Variants in SLC6A12 observed in about 807,000 individuals in gnomAD.
The protein encoded by SLC6A12 is sodium- and chloride-dependent betaine transporter.
A neutral mutation model predicts 73.3 loss-of-function variants in SLC6A12; 50 were observed. The observed-to-expected ratio is 0.68, with a 90% CI of 0.54 to 0.86. The LOEUF (loss-of-function observed/expected upper bound fraction) is 0.86. Ranked by LOEUF, SLC6A12 falls within the 40% of genes least tolerant of loss-of-function variation. The pLI, the probability that SLC6A12 is intolerant of heterozygous loss-of-function variation, is 0.00. For synonymous variants in SLC6A12, 304 were observed against 309.2 expected (o/e 0.98, Z 0.18); for missense variants, 648 against 772.8 (o/e 0.84, Z 1.92).
chr12:184,877 G>A, the SLC6A12 span, among the ~76,000 whole-genome samples: 1 of 151,748 alleles, frequency 6.6e-6, no homozygotes, highest in Non-Finnish European at 1.5e-5. Flanking sequence ...AGGTTGTAGT[G>A]AGCTGAGATC....
At chr12:210,874 A>T (rs563468053) in intron 2 of SLC6A12, among the ~76,000 whole-genome samples, 1 of 152,164 alleles carries the variant, frequency 6.6e-6, no homozygotes, top group Admixed American at 6.5e-5. Flanking sequence ...CTGCCCTCCT[A>T]GAGAGCCCAA....
chr12:185,803 G>C (rs910830791), downstream of SLC6A12, among the ~76,000 whole-genome samples: 3 of 152,190 alleles, frequency 2.0e-5, no homozygotes, highest in African/African-American at 7.2e-5. Context: ...CAGGGCCCAG[G>C]GCACTGACCC....
chr12:195,204 A>T, intron 13 of SLC6A12, 21 bp downstream of exon 13: 1 of 1,130,964 alleles, frequency 8.8e-7, no homozygotes, highest in Non-Finnish European at 1.3e-6. Context: ...CTGCTTTCCC[A>T]CCCCACTCCA....
In SLC6A12 at chr12:196,275, G is replaced by A. The variant is rs747307978; in HGVS notation, c.1189-14C>T. ...CACACAGACAAACTGTGGGCCAGGA[G>A]GGGAACTGGATGAGAGGGTGTGGGG... On this transcript the variant is annotated splice_polypyrimidine_tract_variant and intron_variant, in intron 11 of 15. Transcript: ENST00000684302. 3 of 1,606,478 alleles carry A rather than the reference G, an allele frequency of 1.9e-6. No individual in the cohort carries two copies. Among genetic ancestry groups the A allele is most frequent in the Non-Finnish European group, 1.7e-6 (2 of 1,177,556 alleles).
chr12:187,629 AAAC>A (rs1939459863), downstream of SLC6A12, among the ~76,000 whole-genome samples: 23 of 45,366 alleles, frequency 5.1e-4, 1 homozygote, highest in African/African-American at 1.5e-3. Context: ...AAAAAAAAAA[AAAC>A]AAACCACACA....
chr12:187,605 A>ACCCACAC (rs1939456527), downstream of SLC6A12, among the ~76,000 whole-genome samples: 1 of 15,858 alleles, frequency 6.3e-5, no homozygotes, highest in Non-Finnish European at 3.2e-4. Flanking sequence ...AAAAAAAAAA[A>ACCCACAC]AAAAAAAAAA....
chr12:196,151 GT>G lies in SLC6A12; in HGVS notation c.1298del (p.Tyr433SerfsTer2), dbSNP rs1565467799. On this transcript the variant is annotated frameshift_variant, in exon 12 of 16. Transcript: ENST00000684302. LOFTEE classifies it high-confidence loss of function. ...LLILTIAVMC[Y>X]LIGLFLVTEG... ...CGGTGACCAGGAAAAGCCCTATCAG[GT>G]AGCACATGACGGCGATGGTGAGGAT... is the stretch of plus-strand genomic sequence containing the variant. 6.4e-7 allele frequency: 1 copy of G among 1,567,516 alleles called. No homozygotes were observed. Among genetic ancestry groups the G allele is most frequent in the Non-Finnish European group, 8.7e-7 (1 of 1,155,876 alleles).
chr12:204,757 C>T (rs1675811059), intron 3 of SLC6A12, 59 bp from the exon 4 acceptor site: 1 of 1,588,386 alleles, frequency 6.3e-7, no homozygotes, highest in Non-Finnish European at 8.6e-7. Flanking sequence ...AGCCTCCATC[C>T]TTTCAGACCC....
rs140669203 is a variant in SLC6A12 at position 197,492 on chromosome 12, G to A, written c.960C>T (p.Ile320=). The change falls in exon 10 of 16, where the codon ATC becomes ATT. Residue 320 remains isoleucine (I), a synonymous_variant. Coordinates refer to ENST00000684302, the MANE Select transcript of SLC6A12 (RefSeq NM_001122848.3). ...TGGCACTGTTCAGGAAGCAGAGGGC[G>A]ATGCAGTCCCTGTGGGAGTGGGGCA... ...KYHNNCYKDC[I]ALCFLNSATS... 44 of 1,613,060 alleles carry A rather than the reference G, an allele frequency of 2.7e-5. No individual in the cohort carries two copies. Among genetic ancestry groups the A allele is most frequent in the African/African-American group, 4.0e-5 (3 of 74,848 alleles).
chr12:204,734 CG>C, intron 3 of SLC6A12, 36 bp from the exon 4 acceptor site: 1 of 1,610,918 alleles, frequency 6.2e-7, no homozygotes, highest in Non-Finnish European at 8.5e-7. Context: ...GAGCCACACC[CG>C]GGCTCTTCCT....
intron 5 of SLC6A12, 102 bp downstream of exon 5, chr12:202,638 C>T (rs898880385): frequency 3.2e-6 from 4 of 1,261,370 alleles, no homozygotes; most frequent in South Asian, 3.0e-5. Flanking sequence ...GGCTGCCAGG[C>T]AGGTTCTGCT....
In SLC6A12 at chr12:193,259, C is replaced by T; in HGVS notation, c.1530+18G>A. The stretch of plus-strand genomic sequence containing the variant: ...CTGGGGGCAGGAAGGAATAGAGGGG[C>T]AGCTGGTGGGCACATACCAGGCAAA... On this transcript the variant is annotated intron_variant, in intron 14 of 15. Transcript: ENST00000684302. 1 of 1,565,978 alleles carries T rather than the reference C, an allele frequency of 6.4e-7. No individual in the cohort carries two copies. The highest frequency in any genetic ancestry group is 8.8e-7 in the Non-Finnish European group (1 of 1,136,236).
intron 3 of SLC6A12, among the ~76,000 whole-genome samples, chr12:206,762 G>T (rs1344804510): frequency 6.6e-6 from 1 of 152,234 alleles, no homozygotes; most frequent in African/African-American, 2.4e-5. Context: ...GGTTTCAGTG[G>T]CTTGGGAAGT....
At chr12:204,485 G>C (rs978948470) in intron 4 of SLC6A12, 79 bp downstream of exon 4, 8 of 1,356,696 alleles carry the variant, frequency 5.9e-6, no homozygotes, top group Non-Finnish European at 8.4e-6. Context: ...AGCAGCGGAT[G>C]GGTAGGCAGG....
chr12:207,766 T>C (rs1354598933), intron 3 of SLC6A12, among the ~76,000 whole-genome samples: 4 of 152,164 alleles, frequency 2.6e-5, no homozygotes, highest in Non-Finnish European at 1.5e-5. Flanking sequence ...GGCCCTTCTT[T>C]ACTACATTTC....
rs745490973 is a variant in SLC6A12 at position 209,955 on chromosome 12, C to A, written c.32G>T (p.Gly11Val). The part of the protein sequence containing the change: MDGKVAVQEC[G>V]PPAVSWVPEE... The stretch of plus-strand genomic sequence containing the variant: ...GGGGACCCAGGAGACTGCAGGAGGC[C>A]CACACTCTTGCACTGCCACCTTCCC... The change falls in exon 3 of 16, where the codon GGG (glycine) becomes GTG (valine). Residue 11 changes from glycine to valine, a missense_variant. Gly to Val is a moderately radical substitution (Grantham distance 109). Coordinates refer to ENST00000684302, the MANE Select transcript of SLC6A12 (RefSeq NM_001122848.3). 2.5e-6 allele frequency: 4 copies of A among 1,614,136 alleles called. No individual in the cohort carries two copies. Among genetic ancestry groups the A allele is most frequent in the Non-Finnish European group, 3.4e-6 (4 of 1,180,010 alleles).
Position 193,274 on chromosome 12 carries a change from T to C in SLC6A12, c.1530+3A>G, listed in dbSNP as rs765436008. 4 of 1,607,920 alleles carry C rather than the reference T, an allele frequency of 2.5e-6. No homozygotes were observed. The highest frequency in any genetic ancestry group is 1.1e-5 in the South Asian group (1 of 90,966). On this transcript the variant is annotated splice_donor_region_variant and intron_variant, in intron 14 of 15. Transcript: ENST00000684302. ...AATAGAGGGGCAGCTGGTGGGCACA[T>C]ACCAGGCAAAGTCCAGGGGTCAGGA...
chr12:209,857 C>G lies in SLC6A12; in HGVS notation c.130G>C (p.Glu44Gln). ...KDRGQWTNKM[E>Q]FVLSVAGEII... ...TCCCCGGCCACTGACAGCACAAACT[C>G]CATCTTGTTGGTCCATTGGCCCCGA... is the stretch of plus-strand genomic sequence containing the variant. The change falls in exon 3 of 16, where the codon GAG becomes CAG. Residue 44 changes from glutamate (E) to glutamine (Q), a missense_variant. Glu to Gln is a conservative substitution (Grantham distance 29). Transcript: ENST00000684302. The G allele has an allele frequency of 6.2e-7, 1 of 1,614,180 alleles. No individual in the cohort carries two copies. Among genetic ancestry groups the G allele is most frequent in the Non-Finnish European group, 8.5e-7 (1 of 1,180,018 alleles).
At position 192,529 on chromosome 12, in the gene SLC6A12, G is replaced by A. The variant is rs1939648632; in HGVS notation, c.1650C>T (p.Val550=). 2 of 1,613,992 alleles carry A rather than the reference G, an allele frequency of 1.2e-6. No individual in the cohort carries two copies. The highest frequency in any genetic ancestry group is 1.7e-6 in the Non-Finnish European group (2 of 1,180,032). The change falls in exon 15 of 16, where the codon GTC becomes GTT. Residue 550 remains valine (V), a synonymous_variant. Coordinates refer to ENST00000684302, the MANE Select transcript of SLC6A12 (RefSeq NM_001122848.3). The stretch of plus-strand genomic sequence containing the variant: ...GGAGGGTGATGACGACGAAGAGTGG[G>A]ACACAGACCATGGAGGACAGAGCCA... ...WFLALSSMVC[V]PLFVVITLLK... is the part of the protein sequence containing the mutation.
Sources: allele counts gnomAD v4.1 joint callset (sites outside exome capture counted in the v4.1 genomes callset), GRCh38; gene constraint gnomAD v4.1.1; transcripts MANE v1.5; gene names NCBI Gene and HGNC (gene_info 2026-07-23, HGNC 2026-07-21).